The following DSCAM variants were observed in gnomAD, a reference collection of about 807,000 sequenced individuals.
DSCAM encodes the protein cell adhesion molecule DSCAM.
Under a neutral mutation model 217.7 loss-of-function variants are expected in DSCAM, and 47 were observed. The observed-to-expected ratio is 0.22, with a 90% CI of 0.17 to 0.28. The LOEUF is 0.28. DSCAM is among the 10% of genes least tolerant of loss of function. The probability of loss-of-function intolerance (pLI) is 1.00; values close to 1 mark genes in which losing one functional copy is unlikely to be tolerated. For missense variants in DSCAM, 2,080 were observed against 2,618.3 expected, an observed-to-expected ratio of 0.79 and a Z score of 4.49; for synonymous variants, 1,056 against 1,015.3, an observed-to-expected ratio of 1.04 and a Z score of -0.76.
rs769283618 is a variant in DSCAM at position 40,748,581 on chromosome 21, G to A, written c.44-39810C>T. On this transcript the variant is annotated intron_variant, in intron 1 of 32. Transcript: ENST00000400454. The stretch of plus-strand genomic sequence containing the variant: ...CTATAAAACGCCAATGAAAGAAATC[G>A]AAGAGGACACAAAAAATTAGAAAGA... 5.9e-5 allele frequency among the ~76,000 whole-genome samples: 9 copies of A among 151,844 alleles called. No homozygotes were observed. The South Asian group carries it at 8.3e-4, about 14-fold the overall frequency.
At chr21:40,577,167 T>A (rs960326642) in intron 3 of DSCAM, among the ~76,000 whole-genome samples, 19 of 151,704 alleles carry the variant, frequency 1.3e-4, no homozygotes, top group African/African-American at 4.3e-4. Flanking sequence ...TTTATTTATG[T>A]ATTATATATT....
intron 11 of DSCAM, among the ~76,000 whole-genome samples, chr21:40,245,646 G>A (rs2073213801): frequency 6.6e-6 from 1 of 152,178 alleles, no homozygotes; most frequent in Non-Finnish European, 1.5e-5. Context: ...GGTGGGTGGA[G>A]CTCATAGTCT....
chr21:40,575,197 TG>T (rs1174063197), intron 3 of DSCAM, among the ~76,000 whole-genome samples: 3 of 137,748 alleles, frequency 2.2e-5, no homozygotes, highest in Non-Finnish European at 4.8e-5. Flanking sequence ...GCTCCCCCAC[TG>T]AGCACCCTGT....
intron 3 of DSCAM, among the ~76,000 whole-genome samples, chr21:40,627,191 A>G (rs1402301445): frequency 1.3e-5 from 2 of 152,184 alleles, no homozygotes; most frequent in African/African-American, 4.8e-5. Context: ...TGGACAAATA[A>G]CTCTAATAAC....
intron 32 of DSCAM, among the ~76,000 whole-genome samples, chr21:40,039,416 A>C (rs2088700846): frequency 6.6e-6 from 1 of 152,136 alleles, no homozygotes; most frequent in African/African-American, 2.4e-5. Flanking sequence ...CTATTAATTG[A>C]AATATTTTAA....
chr21:40,066,238 G>A (rs2089205110), intron 27 of DSCAM, among the ~76,000 whole-genome samples: 2 of 152,228 alleles, frequency 1.3e-5, no homozygotes. Flanking sequence ...GATCCATAGT[G>A]AAGCTGCACA....
At chr21:40,279,387 C>T (rs938994845) in intron 10 of DSCAM, among the ~76,000 whole-genome samples, 1 of 152,170 alleles carries the variant, frequency 6.6e-6, no homozygotes, top group Non-Finnish European at 1.5e-5. Context: ...CTCATCATCA[C>T]TTGTCATTAG....
chr21:40,674,763 G>C (rs1029183985), intron 3 of DSCAM, among the ~76,000 whole-genome samples: 1 of 151,260 alleles, frequency 6.6e-6, no homozygotes, highest in African/African-American at 2.4e-5. Context: ...CTCCCGGGTA[G>C]TTGGGACTAC....
At chr21:40,683,089 C>T (rs1251475967) in intron 3 of DSCAM, among the ~76,000 whole-genome samples, 2 of 152,188 alleles carry the variant, frequency 1.3e-5, no homozygotes, top group African/African-American at 4.8e-5. Context: ...ACCATGCTGG[C>T]AGCCTGATCT....
At position 40,139,648 on chromosome 21, in the gene DSCAM, T is replaced by G. The variant is rs886898457; in HGVS notation, c.3406+2910A>C. 3.3e-5 allele frequency among the ~76,000 whole-genome samples: 5 copies of G among 152,014 alleles called. No homozygotes were observed. The East Asian group carries it at 9.7e-4, about 30-fold the overall frequency. On this transcript the variant is annotated intron_variant, in intron 18 of 32. Transcript: ENST00000400454. ...AAGATATTTTCCTTTCATAGGTGTA[T>G]GTGGTGTTTGTGTACGTGTGGTGTG...
At chr21:40,750,817 C>A (rs1200262044) in intron 1 of DSCAM, among the ~76,000 whole-genome samples, 1 of 152,132 alleles carries the variant, frequency 6.6e-6, no homozygotes, top group Non-Finnish European at 1.5e-5. Context: ...TCAAATCCAA[C>A]CTATCAGAAA....
At chr21:40,675,028 C>T (rs2090321922) in intron 3 of DSCAM, among the ~76,000 whole-genome samples, 1 of 130,230 alleles carries the variant, frequency 7.7e-6, no homozygotes, top group Admixed American at 7.3e-5. Flanking sequence ...CACACACACA[C>T]ACATGCACGC....
intron 3 of DSCAM, among the ~76,000 whole-genome samples, chr21:40,655,485 C>A (rs1305659595): frequency 6.6e-6 from 1 of 151,114 alleles, no homozygotes; most frequent in Admixed American, 6.6e-5. Context: ...CTCTGTCACC[C>A]AGGCTGGAGC....
At chr21:40,129,829 T>A (rs188151620) in intron 19 of DSCAM, among the ~76,000 whole-genome samples, 35 of 152,286 alleles carry the variant, frequency 2.3e-4, no homozygotes, top group Non-Finnish European at 4.7e-4. Flanking sequence ...CCAGCACACG[T>A]CACAGGCACA....
At chr21:40,230,024 C>T (rs757821490) in intron 11 of DSCAM, among the ~76,000 whole-genome samples, 1 of 152,210 alleles carries the variant, frequency 6.6e-6, no homozygotes, top group Non-Finnish European at 1.5e-5. Context: ...TGGATTTTAA[C>T]TATTCTAATA....
intron 8 of DSCAM, among the ~76,000 whole-genome samples, chr21:40,332,876 T>A (rs998667763): frequency 5.9e-5 from 9 of 152,194 alleles, no homozygotes; most frequent in Non-Finnish European, 1.2e-4. Flanking sequence ...GGAAAAGACA[T>A]GATGAAAAAA....
intron 3 of DSCAM, among the ~76,000 whole-genome samples, chr21:40,457,653 CACTT>C (rs942067330): frequency 7.9e-5 from 12 of 152,006 alleles, no homozygotes; most frequent in Admixed American, 3.9e-4. Context: ...ATATTGCACA[CACTT>C]ACACAGAAAA....
intron 3 of DSCAM, among the ~76,000 whole-genome samples, chr21:40,562,355 C>CT (rs553960770): frequency 9.7e-4 from 147 of 152,320 alleles, no homozygotes; most frequent in African/African-American, 3.4e-3. Flanking sequence ...CCTGCCTCCC[C>CT]TTCCGCCATG....
intron 32 of DSCAM, among the ~76,000 whole-genome samples, chr21:40,042,030 C>A (rs1329528416): frequency 6.6e-6 from 1 of 152,208 alleles, no homozygotes; most frequent in African/African-American, 2.4e-5. Context: ...TAGAACCCAG[C>A]CACCATGCTG....
Sources: allele counts gnomAD v4.1 joint callset (sites outside exome capture counted in the v4.1 genomes callset), GRCh38; gene constraint gnomAD v4.1.1; transcripts MANE v1.5; gene names NCBI Gene and HGNC (gene_info 2026-07-23, HGNC 2026-07-21).